Variants in ADRM1 observed in about 807,000 individuals in gnomAD.
ADRM1 encodes proteasomal ubiquitin receptor ADRM1.
A neutral mutation model predicts 40.1 loss-of-function variants in ADRM1; 2 were observed. That is an observed-to-expected ratio of 0.05 (90% confidence interval 0.02 to 0.16). The LOEUF (loss-of-function observed/expected upper bound fraction) is 0.16. ADRM1 is among the 10% of genes least tolerant of loss of function. ADRM1 has a pLI of 1.00. For synonymous variants in ADRM1, 287 were observed against 240.4 expected (o/e 1.19, Z -1.79); for missense variants, 467 against 552.5 (o/e 0.85, Z 1.55).
At position 62,304,486 on chromosome 20, in the gene ADRM1, G is replaced by C; in HGVS notation, c.239G>C (p.Cys80Ser). 1.2e-6 allele frequency: 2 copies of C among 1,613,886 alleles called. No homozygotes were observed. The highest frequency in any genetic ancestry group is 1.7e-6 in the Non-Finnish European group (2 of 1,179,910). The change falls in exon 3 of 10, where the codon TGT (cysteine) becomes TCT (serine). Residue 80 changes from cysteine (C) to serine (S), a missense_variant. Physicochemically the swap from Cys to Ser is moderately radical, Grantham distance 112. Around this residue, in one of 3 missense-constraint regions of ADRM1, gnomAD observed 418 missense variants for 474.6 expected, o/e 0.88. Transcript: ENST00000253003. ...GACTTGATCATCTTCCCTGACGACT[G>C]TGAGTTCAAGCGGGTGCCGCAGTGC... is the stretch of plus-strand genomic sequence containing the variant. ...EDDLIIFPDD[C>S]EFKRVPQCPS... is the part of the protein sequence containing the mutation.
chr20:62,303,529 A>G, intron 1 of ADRM1, 39 bp from the exon 2 acceptor site: 1 of 1,537,132 alleles, frequency 6.5e-7, no homozygotes, highest in Non-Finnish European at 8.7e-7. Flanking sequence ...CGCAGGCGAC[A>G]GTGACCGCCG....
At chr20:62,306,776 A>G in intron 5 of ADRM1, 42 bp downstream of exon 5, 1 of 1,538,776 alleles carries the variant, frequency 6.5e-7, no homozygotes, top group Non-Finnish European at 8.8e-7. Flanking sequence ...TTCTGCTGGG[A>G]ATGCTTTGAG....
At position 62,307,454 on chromosome 20, in the gene ADRM1, T is replaced by TGAGCCTCCTCCAG; in HGVS notation, c.623+9_623+10insCTCCAGGAGCCTC. On this transcript the variant is annotated splice_region_variant and intron_variant, in intron 6 of 9. Coordinates refer to ENST00000253003, the MANE Select transcript of ADRM1 (RefSeq NM_007002.4). ...TCCAGGGAGCAGCTCCTCCTCCAGG[T>TGAGCCTCCTCCAG]GAGCCTCATCGCTCCTGCCACGCAG... 2 of 1,608,876 alleles carry TGAGCCTCCTCCAG rather than the reference T, an allele frequency of 1.2e-6. No individual in the cohort carries two copies. Among genetic ancestry groups the TGAGCCTCCTCCAG allele is most frequent in the Non-Finnish European group, 1.7e-6 (2 of 1,179,592 alleles).
At chr20:62,303,463 C>T in intron 1 of ADRM1, 105 bp from the exon 2 acceptor site, 9 of 1,200,124 alleles carry the variant, frequency 7.5e-6, no homozygotes, top group Non-Finnish European at 9.3e-6. Context: ...CCTTAGGCAG[C>T]TCTGGGCGCA....
intron 4 of ADRM1, 128 bp from the exon 5 acceptor site, chr20:62,306,520 C>T (rs1984995351): frequency 7.7e-7 from 1 of 1,295,818 alleles, no homozygotes; most frequent in Non-Finnish European, 1.1e-6. Context: ...CGTCGCCTCA[C>T]TTCAAGTGGT....
chr20:62,307,635 C>T lies in ADRM1; in HGVS notation c.663C>T (p.Thr221=). Residue 221 remains threonine, a synonymous_variant, in exon 7 of 10, where the codon ACC becomes ACT. Coordinates refer to ENST00000253003, the MANE Select transcript of ADRM1 (RefSeq NM_007002.4). ...SQSAAVTPSS[T]TSSTRATPAP... ...CGGCAGCGGTCACCCCGTCATCCAC[C>T]ACCTCTTCCACCCGTGCCACCCCAG... The T allele has an allele frequency of 6.2e-7, 1 of 1,612,004 alleles. No homozygotes were observed. Among genetic ancestry groups the T allele is most frequent in the South Asian group, 1.1e-5 (1 of 91,072 alleles).
At chr20:62,303,997 A>C (rs982603918) in intron 2 of ADRM1, among the ~76,000 whole-genome samples, 1 of 148,230 alleles carries the variant, frequency 6.7e-6, no homozygotes, top group African/African-American at 2.5e-5. Context: ...CCTGGGTTGG[A>C]GGTGTGGCCC....
At position 62,308,040 on chromosome 20, in the gene ADRM1, G is replaced by C. The variant is rs980463785; in HGVS notation, c.876G>C (p.Leu292=). ...CCCCAGTGGACCTGGCCAGTGTGCT[G>C]ACGCCGGAGATAATGGCTCCCATCC... ...GGQQVDLASV[L]TPEIMAPILA... Residue 292 remains leucine (L), a synonymous_variant, in exon 8 of 10, where the codon CTG becomes CTC. Coordinates refer to ENST00000253003, the MANE Select transcript of ADRM1 (RefSeq NM_007002.4). 4 of 1,610,958 alleles carry C rather than the reference G, an allele frequency of 2.5e-6. No homozygotes were observed. Among genetic ancestry groups the C allele is most frequent in the Non-Finnish European group, 3.4e-6 (4 of 1,179,174 alleles).
chr20:62,304,665 T>C (rs1984623136), intron 3 of ADRM1, 88 bp downstream of exon 3: 2 of 1,362,434 alleles, frequency 1.5e-6, no homozygotes, highest in African/African-American at 1.4e-5. Context: ...TTGGCTTTTA[T>C]AAACCAGCAG....
chr20:62,304,432 A>C (rs542649598), intron 2 of ADRM1, 29 bp from the exon 3 acceptor site: 1 of 1,589,290 alleles, frequency 6.3e-7, no homozygotes, highest in African/African-American at 1.3e-5. Flanking sequence ...CATCTGCGCC[A>C]CTGACTCTCT....
At chr20:62,304,252 C>A in intron 2 of ADRM1, 2 of 572,898 alleles carry the variant, frequency 3.5e-6, no homozygotes, top group Non-Finnish European at 6.3e-6. Flanking sequence ...AGGCCCCTTT[C>A]CCTGCTCTCT....
At position 62,307,463 on chromosome 20, in the gene ADRM1, T is replaced by C; in HGVS notation, c.623+11T>C. 1 of 1,607,986 alleles carries C rather than the reference T, an allele frequency of 6.2e-7. No individual in the cohort carries two copies. The highest frequency in any genetic ancestry group is 1.3e-5 in the African/African-American group (1 of 74,992). On this transcript the variant is annotated intron_variant, in intron 6 of 9. Coordinates refer to ENST00000253003, the MANE Select transcript of ADRM1 (RefSeq NM_007002.4). ...CAGCTCCTCCTCCAGGTGAGCCTCATCGCTCCTGCCACGCAGGTGCCACGG... is the reference window on the plus strand; with the variant it reads ...CAGCTCCTCCTCCAGGTGAGCCTCACCGCTCCTGCCACGCAGGTGCCACGG...
chr20:62,304,590 C>T lies in ADRM1; in HGVS notation c.330+13C>T, dbSNP rs754198416. 2 of 1,611,466 alleles carry T rather than the reference C, an allele frequency of 1.2e-6. No homozygotes were observed. Among genetic ancestry groups the T allele is most frequent in the African/African-American group, 1.3e-5 (1 of 74,862 alleles). ...CTTCTGGATGCAGGTATGGGGCAGGCCTTGGGGTTGTGCCTTTTTGTTGCC... is the reference window on the plus strand; with the variant it reads ...CTTCTGGATGCAGGTATGGGGCAGGTCTTGGGGTTGTGCCTTTTTGTTGCC... On this transcript the variant is annotated intron_variant, in intron 3 of 9. Transcript: ENST00000253003.
rs1216503262 is a variant in ADRM1, at chr20:62,306,184, C to T, written c.331-13C>T. The T allele has an allele frequency of 1.9e-6, 3 of 1,605,228 alleles. No individual in the cohort carries two copies. Among genetic ancestry groups the T allele is most frequent in the East Asian group, 2.2e-5 (1 of 44,638 alleles). ...GCGCCAGCTCCTGCCCTTACATGCCCTTCCTCTTGCAGGAACCCAAGACAG... is the reference window on the plus strand; with the variant it reads ...GCGCCAGCTCCTGCCCTTACATGCCTTTCCTCTTGCAGGAACCCAAGACAG... On this transcript the variant is annotated splice_polypyrimidine_tract_variant and intron_variant, in intron 3 of 9. Transcript: ENST00000253003.
chr20:62,307,688 C>A lies in ADRM1; in HGVS notation c.716C>A (p.Ala239Glu), dbSNP rs1329962436. The change falls in exon 7 of 10, where the codon GCA becomes GAA. Residue 239 changes from alanine to glutamate, a missense_variant. By Grantham distance (107) the Ala-to-Glu change is moderately radical. Coordinates refer to ENST00000253003, the MANE Select transcript of ADRM1 (RefSeq NM_007002.4). The stretch of plus-strand genomic sequence containing the variant: ...CCTTCTGCTCCAGCAGCTGCCTCAG[C>A]AACTAGCCCGAGCCCCGCGCCCAGT... ...PAPSAPAAAS[A>E]TSPSPAPSSG... The A allele has an allele frequency of 3.1e-6, 5 of 1,612,282 alleles. No individual in the cohort carries two copies. Among genetic ancestry groups the A allele is most frequent in the Non-Finnish European group, 4.2e-6 (5 of 1,179,896 alleles).
In ADRM1 at chr20:62,306,262, G is replaced by A. The variant is rs149132578; in HGVS notation, c.396G>A (p.Pro132=). ...RKVNEYLNNP[P]MPGALGASGS... ...TCAACGAGTATCTGAACAACCCCCC[G>A]ATGCCTGGGGCGCTGGGGGCCAGCG... Residue 132 remains proline (P), a synonymous_variant, in exon 4 of 10, where the codon CCG becomes CCA. Coordinates refer to ENST00000253003, the MANE Select transcript of ADRM1 (RefSeq NM_007002.4). 3.8e-5 allele frequency: 61 copies of A among 1,613,050 alleles called. No homozygotes were observed. In the Admixed American group the frequency reaches 8.7e-4, roughly 23 times the overall value.
Position 62,308,483 on chromosome 20 carries a change from G to GCCTGCA in ADRM1, c.1117+17_1117+22dup. ...GCCAACAAGGGCGGTAAGTGGCTGC[G>GCCTGCA]CCTGCACCTCCAGGCCAGAGCCAGG... On this transcript the variant is annotated intron_variant, in intron 9 of 9. Coordinates refer to ENST00000253003, the MANE Select transcript of ADRM1 (RefSeq NM_007002.4). 1 of 1,589,538 alleles carries GCCTGCA rather than the reference G, an allele frequency of 6.3e-7. No individual in the cohort carries two copies. Among genetic ancestry groups the GCCTGCA allele is most frequent in the Non-Finnish European group, 8.6e-7 (1 of 1,169,420 alleles).
intron 5 of ADRM1, 70 bp from the exon 6 acceptor site, chr20:62,307,301 T>C: frequency 6.9e-7 from 1 of 1,453,674 alleles, no homozygotes; most frequent in Non-Finnish European, 9.3e-7. Flanking sequence ...TCCTCTGGCC[T>C]GGGGAGGGGC....
chr20:62,308,110 T>G lies in ADRM1; in HGVS notation c.946T>G (p.Ser316Ala). Reference protein sequence around the residue: ...VQERLLPYLPSGESLPQTADE... With the variant: ...VQERLLPYLPAGESLPQTADE... ...GGAGCGCCTGCTTCCCTACTTGCCA[T>G]CTGGGGAGTCGCTGCCGCAGACCGC... The change falls in exon 8 of 10, where the codon TCT becomes GCT. Residue 316 changes from serine (S) to alanine (A), a missense_variant. Physicochemically the swap from Ser to Ala is moderately conservative, Grantham distance 99. Around this residue, in one of 3 missense-constraint regions of ADRM1, gnomAD observed 418 missense variants for 474.6 expected, o/e 0.88. Transcript: ENST00000253003. The G allele has an allele frequency of 6.2e-7, 1 of 1,611,192 alleles. No individual in the cohort carries two copies. The highest frequency in any genetic ancestry group is 8.5e-7 in the Non-Finnish European group (1 of 1,179,866).
Sources: gnomAD v4.1 joint callset for allele counts (sites outside exome capture counted in the v4.1 genomes callset) on GRCh38, gnomAD v4.1.1 for gene constraint, gnomAD v4.1.1 regional missense constraint, MANE v1.5 for transcripts, NCBI Gene and HGNC (gene_info 2026-07-23, HGNC 2026-07-21) for gene names.